Variants in CYYR1 observed in about 807,000 individuals in gnomAD.
CYYR1 encodes the protein cysteine and tyrosine-rich protein 1.
In CYYR1, 14 loss-of-function variants were observed where a neutral mutation model predicts 15.2. The ratio of observed to expected loss-of-function variants is 0.92; its 90% CI spans 0.61 to 1.44. The LOEUF (loss-of-function observed/expected upper bound fraction) is 1.44. Among genes scored for constraint, CYYR1 ranks in the 40% most tolerant of loss-of-function variants. The pLI is 0.00. For missense variants in CYYR1, 228 were observed against 209.5 expected (o/e 1.09, Z -0.54); for synonymous variants, 80 against 77.4 (o/e 1.03, Z -0.18).
At chr21:26,538,528 C>T (rs1012467843) in intron 2 of CYYR1, among the ~76,000 whole-genome samples, 3 of 152,056 alleles carry the variant, frequency 2.0e-5, no homozygotes, top group Admixed American at 2.0e-4. Flanking sequence ...TATTTTTCCA[C>T]CACTTTGTTT....
At chr21:26,492,108 G>A (rs946210066) in intron 2 of CYYR1, among the ~76,000 whole-genome samples, 3 of 152,146 alleles carry the variant, frequency 2.0e-5, no homozygotes, top group African/African-American at 2.4e-5. Context: ...GTCTAGCTTC[G>A]TGCGCATTAA....
chr21:26,476,585 CATCTATCTATCTATCTATCT>C (rs11450529), intron 3 of CYYR1, among the ~76,000 whole-genome samples: 15 of 143,844 alleles, frequency 1.0e-4, no homozygotes, highest in East Asian at 2.0e-4. Context: ...CCCTATCTAT[CATCTATCTATCTATCTATCT>C]ATCTATCTAT....
At chr21:26,504,970 C>G (rs527341297) in intron 2 of CYYR1, among the ~76,000 whole-genome samples, 1 of 152,150 alleles carries the variant, frequency 6.6e-6, no homozygotes, top group Non-Finnish European at 1.5e-5. Flanking sequence ...CCATCCATGT[C>G]CCCGAATACA....
chr21:26,507,420 T>C (rs138059076), intron 2 of CYYR1, among the ~76,000 whole-genome samples: 28 of 152,364 alleles, frequency 1.8e-4, no homozygotes, highest in African/African-American at 6.7e-4. Flanking sequence ...TTTCTCATTA[T>C]TCTATTATTA....
At chr21:26,566,445 C>T in intron 1 of CYYR1, 77 bp from the exon 2 acceptor site, 1 of 1,144,362 alleles carries the variant, frequency 8.7e-7, no homozygotes, top group South Asian at 1.3e-5. Flanking sequence ...TATTTCACAA[C>T]TTAATCAGCC....
chr21:26,544,788 T>C (rs1423393706), intron 2 of CYYR1, among the ~76,000 whole-genome samples: 1 of 152,128 alleles, frequency 6.6e-6, no homozygotes, highest in Non-Finnish European at 1.5e-5. Flanking sequence ...GGTTTAAATA[T>C]TTAAATAATA....
chr21:26,555,505 T>C (rs1477977702), intron 2 of CYYR1, among the ~76,000 whole-genome samples: 2 of 152,204 alleles, frequency 1.3e-5, no homozygotes, highest in East Asian at 3.9e-4. Context: ...TAATTTGTCA[T>C]GTTTTTCTCT....
At chr21:26,534,475 A>G (rs1018272106) in intron 2 of CYYR1, among the ~76,000 whole-genome samples, 1 of 152,124 alleles carries the variant, frequency 6.6e-6, no homozygotes, top group Non-Finnish European at 1.5e-5. Flanking sequence ...CTATATCAAG[A>G]GACCAACTTC....
intron 2 of CYYR1, among the ~76,000 whole-genome samples, chr21:26,522,742 T>C (rs921201884): frequency 2.6e-5 from 4 of 151,748 alleles, no homozygotes; most frequent in Non-Finnish European, 4.4e-5. Context: ...CTGATGATCA[T>C]ATACAGTGAA....
At position 26,480,445 on chromosome 21, in the gene CYYR1, A is replaced by C. The variant is rs75479621; in HGVS notation, c.177-16T>G. 1,327 of 1,603,348 alleles carry C rather than the reference A, an allele frequency of 8.3e-4. 28 individuals carry two copies. In the East Asian group the frequency reaches 0.023, roughly 28 times the overall value. Reference sequence around the variant, plus strand: ...TGCAGTGCCCCTAAAAGGAAAAACAAGTAAGTTTACTCAAAAGACTTGTAA... The same window carrying C: ...TGCAGTGCCCCTAAAAGGAAAAACACGTAAGTTTACTCAAAAGACTTGTAA... On this transcript the variant is annotated splice_polypyrimidine_tract_variant and intron_variant, in intron 2 of 3. Transcript: ENST00000652641.
intron 3 of CYYR1, among the ~76,000 whole-genome samples, chr21:26,479,332 G>C (rs1446441411): frequency 6.6e-6 from 1 of 151,230 alleles, no homozygotes; most frequent in Admixed American, 6.6e-5. Context: ...ACAGAGGAAG[G>C]ACAGAACAGG....
intron 2 of CYYR1, among the ~76,000 whole-genome samples, chr21:26,549,078 A>G (rs1050004265): frequency 2.0e-5 from 3 of 152,138 alleles, no homozygotes; most frequent in Non-Finnish European, 2.9e-5. Context: ...AGTTTTACAG[A>G]CCTTTAAATC....
intron 2 of CYYR1, among the ~76,000 whole-genome samples, chr21:26,552,971 C>T (rs1979502199): frequency 6.6e-6 from 1 of 152,044 alleles, no homozygotes; most frequent in Non-Finnish European, 1.5e-5. Context: ...CTTCTTTTTC[C>T]TTTATGATAT....
intron 2 of CYYR1, among the ~76,000 whole-genome samples, chr21:26,481,539 T>G (rs1458307340): frequency 6.6e-6 from 1 of 152,124 alleles, no homozygotes; most frequent in Admixed American, 6.6e-5. Context: ...ACCATCCATG[T>G]GCCTGCAAAA....
chr21:26,478,386 G>A (rs2065129745), intron 3 of CYYR1, among the ~76,000 whole-genome samples: 1 of 152,084 alleles, frequency 6.6e-6, no homozygotes, highest in South Asian at 2.1e-4. Flanking sequence ...GCCCTATGGT[G>A]GAAGTGTGGC....
At chr21:26,476,316 T>C (rs1248280279) in intron 3 of CYYR1, among the ~76,000 whole-genome samples, 1 of 152,160 alleles carries the variant, frequency 6.6e-6, no homozygotes, top group Non-Finnish European at 1.5e-5. Flanking sequence ...ATGATCTTTA[T>C]CTGTCCTTTA....
intron 2 of CYYR1, among the ~76,000 whole-genome samples, chr21:26,542,562 G>T (rs1026028461): frequency 6.6e-6 from 1 of 151,918 alleles, no homozygotes; most frequent in African/African-American, 2.4e-5. Flanking sequence ...ATGCTTAATT[G>T]TTTTTTTCCT....
At chr21:26,558,518 C>A (rs1414798338) in intron 2 of CYYR1, among the ~76,000 whole-genome samples, 2 of 151,950 alleles carry the variant, frequency 1.3e-5, no homozygotes, top group Non-Finnish European at 2.9e-5. Flanking sequence ...CACTTCCCAA[C>A]ACTCCTCCCT....
chr21:26,468,461 A>C lies in CYYR1; in HGVS notation c.*40T>G. The C allele has an allele frequency of 7.8e-7, 1 of 1,274,710 alleles. No homozygotes were observed. Among genetic ancestry groups the C allele is most frequent in the South Asian group, 1.2e-5 (1 of 84,394 alleles). The allele number at this position is 1,274,710 out of a possible 1,614,324, so 79.0% of individuals were successfully genotyped here. ...TGAGTAGAGGCATTTTATTCCAGGC[A>C]AGATCGCCCATTGGCACATGTTCTG... On this transcript the variant is annotated 3_prime_UTR_variant, in exon 4 of 4. Transcript: ENST00000652641.
Sources: allele counts gnomAD v4.1 joint callset (sites outside exome capture counted in the v4.1 genomes callset), GRCh38; gene constraint gnomAD v4.1.1; transcripts MANE v1.5; gene names NCBI Gene and HGNC (gene_info 2026-07-23, HGNC 2026-07-21).